The following ZBTB49 variants were observed in gnomAD, a reference collection of about 807,000 sequenced individuals.
The protein encoded by ZBTB49 is zinc finger and BTB domain containing 49, also known as zinc finger and BTB domain-containing protein 49.
ZBTB49 carries 43 observed loss-of-function variants against 57.5 expected under a neutral mutation model. The ratio of observed to expected loss-of-function variants is 0.75; its 90% confidence interval spans 0.59 to 0.97. The LOEUF is 0.97. ZBTB49 is among the 50% of genes least tolerant of loss of function. ZBTB49 has a pLI of 0.00. For synonymous variants in ZBTB49, 369 were observed against 362.1 expected (o/e 1.02, Z -0.22); for missense variants, 938 against 947.7 (o/e 0.99, Z 0.13).
chr4:4,298,834 G>T (rs989102222), intron 1 of ZBTB49, among the ~76,000 whole-genome samples: 4 of 152,146 alleles, frequency 2.6e-5, no homozygotes, highest in Non-Finnish European at 5.9e-5. Context: ...AGACATCCAA[G>T]ACCGTGGCTT....
intron 1 of ZBTB49, among the ~76,000 whole-genome samples, chr4:4,293,590 A>T (rs1720046833): frequency 6.6e-6 from 1 of 152,216 alleles, no homozygotes; most frequent in South Asian, 2.1e-4. Context: ...TTAGTGACTC[A>T]AAAACTATTT....
intron 4 of ZBTB49, among the ~76,000 whole-genome samples, chr4:4,309,517 G>A (rs1720889555): frequency 6.6e-6 from 1 of 152,190 alleles, no homozygotes; most frequent in African/African-American, 2.4e-5. Flanking sequence ...CCTGTCTTTG[G>A]GGAGAGGAGT....
intron 4 of ZBTB49, among the ~76,000 whole-genome samples, chr4:4,308,598 T>C: frequency 6.6e-6 from 1 of 152,250 alleles, no homozygotes; most frequent in African/African-American, 2.4e-5. Context: ...ATTGCTGCTT[T>C]ATTTTCATAG....
intron 1 of ZBTB49, among the ~76,000 whole-genome samples, chr4:4,291,357 C>T (rs1184863535): frequency 6.6e-6 from 1 of 152,178 alleles, no homozygotes; most frequent in Non-Finnish European, 1.5e-5. Flanking sequence ...TCTGGCGTCT[C>T]TCTTTGCATC....
At chr4:4,290,660 C>T (rs1334765846) in intron 1 of ZBTB49, among the ~76,000 whole-genome samples, 2 of 152,270 alleles carry the variant, frequency 1.3e-5, no homozygotes, top group Non-Finnish European at 1.5e-5. Context: ...GCCCTCTCAT[C>T]TCCAGGCTTT....
chr4:4,299,248 C>T (rs1418688091), intron 1 of ZBTB49, among the ~76,000 whole-genome samples: 1 of 152,186 alleles, frequency 6.6e-6, no homozygotes, highest in Non-Finnish European at 1.5e-5. Flanking sequence ...TGCACAGCTC[C>T]TTCCCTTCCT....
chr4:4,298,828 A>G (rs1454995226), intron 1 of ZBTB49, among the ~76,000 whole-genome samples: 2 of 152,174 alleles, frequency 1.3e-5, no homozygotes, highest in Non-Finnish European at 2.9e-5. Flanking sequence ...CGCCCTAGAC[A>G]TCCAAGACCG....
Position 4,321,538 on chromosome 4 carries a change from C to T in ZBTB49, c.*222C>T, listed in dbSNP as rs779119238. 140 of 577,362 alleles carry T rather than the reference C, an allele frequency of 2.4e-4. No individual in the cohort carries two copies. The highest frequency in any genetic ancestry group is 4.7e-4 in the African/African-American group (25 of 53,462). The allele number at this position is 577,362 out of a possible 1,614,324, so 35.8% of individuals were successfully genotyped here. On this transcript the variant is annotated 3_prime_UTR_variant, in exon 8 of 8. Transcript: ENST00000337872. ...AGGCAGCCGCGGGAGGGAGCGCTGA[C>T]GTCACAGAAGCGAAGGCTTGATGCT...
intron 4 of ZBTB49, among the ~76,000 whole-genome samples, chr4:4,311,271 A>G (rs778666756): frequency 6.6e-6 from 1 of 152,242 alleles, no homozygotes; most frequent in Non-Finnish European, 1.5e-5. Flanking sequence ...CCCAGAATGC[A>G]TTTCATTCAG....
chr4:4,306,204 T>C lies in ZBTB49; in HGVS notation c.1302+20T>C. On this transcript the variant is annotated intron_variant, in intron 4 of 7. Transcript: ENST00000337872. Reference sequence around the variant, plus strand: ...TCTCAGGTGGGAATACTCTTATTTATTGTTAATAATTGGAAACCTGCAACA... The same window carrying C: ...TCTCAGGTGGGAATACTCTTATTTACTGTTAATAATTGGAAACCTGCAACA... 1 of 1,601,322 alleles carries C rather than the reference T, an allele frequency of 6.2e-7. No individual in the cohort carries two copies.
rs766788833 is a variant in ZBTB49, at chr4:4,320,892, T to G, written c.1874T>G (p.Leu625Arg). Residue 625 changes from leucine to arginine, a missense_variant, in exon 8 of 8, where the codon CTG (leucine) becomes CGG (arginine). Transcript: ENST00000337872. ...DSFSQDTSVT[L>R]MPVSVKLPVH... ...TTCTCCCAAGACACGTCTGTGACGC[T>G]GATGCCAGTGTCGGTTAAACTCCCT... is the stretch of plus-strand genomic sequence containing the variant. The G allele has an allele frequency of 1.2e-6, 2 of 1,614,122 alleles. No individual in the cohort carries two copies. Among genetic ancestry groups the G allele is most frequent in the South Asian group, 2.2e-5 (2 of 91,082 alleles).
chr4:4,314,503 C>G (rs920953681), intron 5 of ZBTB49, among the ~76,000 whole-genome samples: 2 of 152,238 alleles, frequency 1.3e-5, no homozygotes, highest in African/African-American at 4.8e-5. Context: ...TCCCAAGTAG[C>G]TGGGATTGTA....
At chr4:4,314,820 G>A (rs550452169) in intron 5 of ZBTB49, among the ~76,000 whole-genome samples, 8 of 152,344 alleles carry the variant, frequency 5.3e-5, no homozygotes, top group Admixed American at 2.6e-4. Context: ...GTTAGTAACC[G>A]CCTCTGAACT....
intron 4 of ZBTB49, among the ~76,000 whole-genome samples, chr4:4,307,332 G>A (rs1266315190): frequency 6.6e-6 from 1 of 152,172 alleles, no homozygotes; most frequent in East Asian, 1.9e-4. Context: ...CATTCTTGAT[G>A]AGCCTCCGCT....
chr4:4,295,098 T>G (rs1276601237), intron 1 of ZBTB49, among the ~76,000 whole-genome samples: 1 of 152,168 alleles, frequency 6.6e-6, no homozygotes, highest in Non-Finnish European at 1.5e-5. Flanking sequence ...TCTTAGAGAC[T>G]TGCTTCAGTT....
intron 4 of ZBTB49, among the ~76,000 whole-genome samples, chr4:4,310,237 T>A (rs554367474): frequency 2.0e-5 from 3 of 152,214 alleles, no homozygotes; most frequent in Non-Finnish European, 2.9e-5. Flanking sequence ...AGGATCAAAG[T>A]TCCTTTACTG....
Position 4,321,311 on chromosome 4 carries a change from C to A in ZBTB49, c.2293C>A (p.Gln765Lys). ...GCTGCAGAATGAAAACGAGTTAGAC[C>A]AGTGATGTACCGCGCTTCTCCACGG... Reference protein sequence around the residue: ...KTLQNENELDQ With the variant: ...KTLQNENELDK Residue 765 changes from glutamine (Q) to lysine (K), a missense_variant, in exon 8 of 8, where the codon CAG becomes AAG. Gln to Lys is a moderately conservative substitution (Grantham distance 53). Transcript: ENST00000337872. 1 of 1,609,380 alleles carries A rather than the reference C, an allele frequency of 6.2e-7. No homozygotes were observed. The highest frequency in any genetic ancestry group is 8.5e-7 in the Non-Finnish European group (1 of 1,179,982).
At chr4:4,306,221 C>A (rs1720729214) in intron 4 of ZBTB49, 37 bp downstream of exon 4, 1 of 1,554,066 alleles carries the variant, frequency 6.4e-7, no homozygotes, top group Non-Finnish European at 8.9e-7. Flanking sequence ...TAATTGGAAA[C>A]CTGCAACACA....
chr4:4,302,324 AT>A lies in ZBTB49; in HGVS notation c.489del (p.Asp163GlufsTer90). 6.2e-7 allele frequency: 1 copy of A among 1,614,256 alleles called. No individual in the cohort carries two copies. Among genetic ancestry groups the A allele is most frequent in the Non-Finnish European group, 8.5e-7 (1 of 1,180,046 alleles). On this transcript the variant is annotated frameshift_variant, in exon 3 of 8. Coordinates refer to ENST00000337872, the MANE Select transcript of ZBTB49 (RefSeq NM_145291.4). LOFTEE classifies it high-confidence loss of function. ...CATTTACTGCAGGAATGTTCAGCAG[AT>A]GCACAGCAGAACAAAACGTTGGATG... The part of the protein sequence containing the change: ...PPHLLQECSA[D>X]AQQNKTLDES...
Sources: gnomAD v4.1 joint callset for allele counts (sites outside exome capture counted in the v4.1 genomes callset) on GRCh38, gnomAD v4.1.1 for gene constraint, MANE v1.5 for transcripts, NCBI Gene and HGNC (gene_info 2026-07-23, HGNC 2026-07-21) for gene names.